Variants in FARS2 observed in about 807,000 individuals in gnomAD.
FARS2 encodes the protein phenylalanyl-tRNA synthetase 2, mitochondrial.
FARS2 carries 40 observed loss-of-function variants against 46.4 expected under a neutral mutation model. The ratio of observed to expected loss-of-function variants is 0.86; its 90% CI spans 0.67 to 1.12. The LOEUF (loss-of-function observed/expected upper bound fraction) is 1.12. FARS2 is among the 50% of genes most tolerant of loss of function. The probability of loss-of-function intolerance (pLI) is 0.00; values close to 1 mark genes in which losing one functional copy is unlikely to be tolerated. For missense variants in FARS2, 513 were observed against 567.9 expected (o/e 0.90, Z 0.98); for synonymous variants, 234 against 214.9 (o/e 1.09, Z -0.78).
intron 1 of FARS2, 57 bp from the exon 2 acceptor site, chr6:5,368,493 C>T: frequency 4.7e-6 from 7 of 1,474,948 alleles, no homozygotes; most frequent in Non-Finnish European, 6.4e-6. Flanking sequence ...GCAAAGAACA[C>T]ACTTGCTTTC....
In FARS2 at chr6:5,508,052, A is replaced by G. The variant is rs149426328; in HGVS notation, c.905-37128A>G. Reference sequence around the variant, plus strand: ...TTTTATTAAAGCAAGGTATGCTTCTATGTTTCACAATAAGTTATTAAGTTC... The same window carrying G: ...TTTTATTAAAGCAAGGTATGCTTCTGTGTTTCACAATAAGTTATTAAGTTC... On this transcript the variant is annotated intron_variant, in intron 4 of 6. Transcript: ENST00000274680. Among the ~76,000 whole-genome samples, 778 of 152,360 alleles carry G rather than the reference A, an allele frequency of 5.1e-3. 11 individuals are homozygous for G. The highest frequency in any genetic ancestry group is 0.017 in the African/African-American group (720 of 41,586).
intron 4 of FARS2, among the ~76,000 whole-genome samples, chr6:5,470,864 T>G (rs1247779479): frequency 6.6e-6 from 1 of 152,246 alleles, no homozygotes; most frequent in Non-Finnish European, 1.5e-5. Flanking sequence ...TTTATCTTTT[T>G]AATATGTGTT....
chr6:5,260,440 T>G (rs1477190027), upstream of FARS2, among the ~76,000 whole-genome samples: 2 of 152,190 alleles, frequency 1.3e-5, no homozygotes, highest in African/African-American at 4.8e-5. Flanking sequence ...ACGTCTCCCC[T>G]GGTAGAAAGA....
At chr6:5,575,221 C>T (rs898791558) in intron 5 of FARS2, among the ~76,000 whole-genome samples, 1 of 152,126 alleles carries the variant, frequency 6.6e-6, no homozygotes, top group Admixed American at 6.6e-5. Flanking sequence ...GGCACTTAAT[C>T]GAAATAAAAC....
At chr6:5,308,032 G>C (rs886300565) in intron 1 of FARS2, among the ~76,000 whole-genome samples, 4 of 152,102 alleles carry the variant, frequency 2.6e-5, no homozygotes, top group African/African-American at 9.7e-5. Context: ...CAGTAGGGAA[G>C]GTGTGAGATT....
intron 4 of FARS2, among the ~76,000 whole-genome samples, 171 bp from the exon 5 acceptor site, chr6:5,545,008 TG>T (rs1400374841): frequency 6.6e-6 from 1 of 152,182 alleles, no homozygotes; most frequent in Admixed American, 6.5e-5. Context: ...AATATGGAGA[TG>T]AGAAAGCGTG....
At chr6:5,592,854 A>C (rs1773993474) in intron 5 of FARS2, among the ~76,000 whole-genome samples, 1 of 152,210 alleles carries the variant, frequency 6.6e-6, no homozygotes, top group South Asian at 2.1e-4. Context: ...CCCAGAAAGG[A>C]GGACCTAGCA....
intron 4 of FARS2, among the ~76,000 whole-genome samples, chr6:5,433,725 A>G (rs1390493214): frequency 1.3e-5 from 2 of 152,250 alleles, no homozygotes; most frequent in African/African-American, 4.8e-5. Flanking sequence ...TTAGAAAAAG[A>G]CTTCAATGAC....
intron 6 of FARS2, among the ~76,000 whole-genome samples, chr6:5,627,399 A>G (rs896981970): frequency 2.0e-5 from 3 of 152,260 alleles, no homozygotes; most frequent in Admixed American, 6.5e-5. Context: ...AAGCAGGTGA[A>G]ATATTTATAT....
chr6:5,673,524 G>A (rs924229318), intron 6 of FARS2, among the ~76,000 whole-genome samples: 8 of 152,150 alleles, frequency 5.3e-5, no homozygotes, highest in African/African-American at 1.9e-4. Flanking sequence ...TGGGACTTGG[G>A]CGGTGAGGAA....
At chr6:5,716,242 T>C (rs1364260921) in intron 6 of FARS2, among the ~76,000 whole-genome samples, 2 of 152,228 alleles carry the variant, frequency 1.3e-5, no homozygotes, top group Non-Finnish European at 1.5e-5. Context: ...TTATTACATA[T>C]AGAGTGCTCA....
At chr6:5,281,750 A>G (rs1766744550) in intron 1 of FARS2, among the ~76,000 whole-genome samples, 1 of 152,062 alleles carries the variant, frequency 6.6e-6, no homozygotes. Flanking sequence ...TACAGGGATC[A>G]CCTCCTTTAA....
intron 3 of FARS2, among the ~76,000 whole-genome samples, chr6:5,428,677 A>G (rs2127763571): frequency 6.6e-6 from 1 of 152,340 alleles, no homozygotes; most frequent in East Asian, 1.9e-4. Flanking sequence ...TTTTACAAAA[A>G]TATTGATAGG....
chr6:5,555,725 T>C (rs892769693), intron 5 of FARS2, among the ~76,000 whole-genome samples: 25 of 152,164 alleles, frequency 1.6e-4, no homozygotes, highest in Admixed American at 1.6e-3. Context: ...TTTCTCATTT[T>C]ACTTCCCCCG....
At chr6:5,286,841 AAAT>A (rs1767151852) in intron 1 of FARS2, among the ~76,000 whole-genome samples, 1 of 152,188 alleles carries the variant, frequency 6.6e-6, no homozygotes, top group African/African-American at 2.4e-5. Flanking sequence ...TCTATATGTT[AAAT>A]AATTTCCATG....
chr6:5,758,368 G>A (rs953901481), intron 6 of FARS2, among the ~76,000 whole-genome samples: 4 of 152,140 alleles, frequency 2.6e-5, no homozygotes, highest in African/African-American at 4.8e-5. Context: ...TTGCAAAAAT[G>A]AAGTCTCCCT....
intron 2 of FARS2, among the ~76,000 whole-genome samples, chr6:5,377,337 G>A (rs756517911): frequency 4.6e-5 from 7 of 152,178 alleles, no homozygotes; most frequent in South Asian, 2.1e-4. Context: ...CAGGCATTCC[G>A]CAGGTTGTTC....
intron 1 of FARS2, among the ~76,000 whole-genome samples, chr6:5,326,752 A>G (rs1408958208): frequency 2.6e-5 from 4 of 152,212 alleles, no homozygotes; most frequent in Admixed American, 6.5e-5. Context: ...TCCATGTGCC[A>G]GTGTCATCAG....
intron 4 of FARS2, among the ~76,000 whole-genome samples, chr6:5,511,112 A>G (rs573599402): frequency 1.2e-4 from 19 of 152,320 alleles, no homozygotes; most frequent in Admixed American, 1.2e-3. Context: ...CTTTCACCCC[A>G]GATTGGTCCA....
Sources: gnomAD v4.1 joint callset for allele counts (sites outside exome capture counted in the v4.1 genomes callset) on GRCh38, gnomAD v4.1.1 for gene constraint, MANE v1.5 for transcripts, NCBI Gene and HGNC (gene_info 2026-07-23, HGNC 2026-07-21) for gene names.